Variants in EPB41 observed in about 807,000 individuals in gnomAD.
The protein encoded by EPB41 is erythrocyte membrane protein band 4.1, also known as protein 4.1.
EPB41 carries 65 observed loss-of-function variants against 108.0 expected under a neutral mutation model. The observed-to-expected ratio is 0.60, with a 90% CI of 0.49 to 0.74. EPB41 has a LOEUF of 0.74. EPB41 is among the 30% of genes least tolerant of loss of function. The pLI is 0.00. For missense variants in EPB41, 875 were observed against 1,037.0 expected (o/e 0.84, Z 2.15); for synonymous variants, 336 against 358.9 (o/e 0.94, Z 0.72).
chr1:28,917,872 G>A (rs1318744514), intron 1 of EPB41, among the ~76,000 whole-genome samples: 1 of 151,802 alleles, frequency 6.6e-6, no homozygotes, highest in Non-Finnish European at 1.5e-5. Flanking sequence ...TGGGATTACA[G>A]ACATGAGTCA....
At chr1:29,026,387 T>C (rs557945890) in intron 7 of EPB41, among the ~76,000 whole-genome samples, 11 of 152,170 alleles carry the variant, frequency 7.2e-5, no homozygotes, top group African/African-American at 2.4e-4. Context: ...TAGGTAGATA[T>C]AGAAATATAG....
intron 16 of EPB41, among the ~76,000 whole-genome samples, chr1:29,077,008 A>G (rs1654354058): frequency 6.6e-6 from 1 of 152,210 alleles, no homozygotes; most frequent in Non-Finnish European, 1.5e-5. Flanking sequence ...TATTTGTTTC[A>G]CTGAATTAAA....
chr1:28,925,176 G>C (rs2093371424), intron 1 of EPB41, among the ~76,000 whole-genome samples: 1 of 152,056 alleles, frequency 6.6e-6, no homozygotes, highest in Non-Finnish European at 1.5e-5. Context: ...TATTGGCCAG[G>C]CTGGTCCCGA....
chr1:28,979,390 A>G (rs532008077), intron 1 of EPB41, among the ~76,000 whole-genome samples: 1 of 151,578 alleles, frequency 6.6e-6, no homozygotes, highest in Admixed American at 6.6e-5. Flanking sequence ...CGAAAAATAC[A>G]AGAGATCTCC....
intron 4 of EPB41, among the ~76,000 whole-genome samples, chr1:29,000,122 G>A (rs1033123354): frequency 6.6e-6 from 1 of 151,730 alleles, no homozygotes; most frequent in African/African-American, 2.4e-5. Flanking sequence ...GTTTGAGATG[G>A]AGCTTCACTC....
At chr1:29,111,602 G>A (rs543898603) in intron 18 of EPB41, among the ~76,000 whole-genome samples, 195 of 151,844 alleles carry the variant, frequency 1.3e-3, no homozygotes, top group Non-Finnish European at 2.0e-3. Context: ...GCAGTGAGCC[G>A]AGATCGCACC....
At chr1:29,077,270 C>A (rs541544629) in intron 16 of EPB41, among the ~76,000 whole-genome samples, 108 of 151,944 alleles carry the variant, frequency 7.1e-4, no homozygotes, top group Non-Finnish European at 9.4e-4. Flanking sequence ...TAACTTGGTT[C>A]AATTAAAAGC....
chr1:28,900,687 A>C (rs574390416), intron 1 of EPB41, among the ~76,000 whole-genome samples: 1 of 152,168 alleles, frequency 6.6e-6, no homozygotes, highest in East Asian at 1.9e-4. Context: ...GAGGCTAAAG[A>C]GGGTTTAAGT....
At chr1:28,926,754 C>T (rs2093469154) in intron 1 of EPB41, among the ~76,000 whole-genome samples, 1 of 152,194 alleles carries the variant, frequency 6.6e-6, no homozygotes, top group Non-Finnish European at 1.5e-5. Context: ...AATCTGACCT[C>T]ATGGAGATGG....
chr1:29,101,027 C>T (rs549593444), intron 17 of EPB41, among the ~76,000 whole-genome samples: 1 of 151,842 alleles, frequency 6.6e-6, no homozygotes. Flanking sequence ...GAGTTCAAGA[C>T]CAGCCTGACC....
chr1:29,047,619 G>A (rs1019389808), intron 11 of EPB41, among the ~76,000 whole-genome samples: 3 of 151,810 alleles, frequency 2.0e-5, no homozygotes, highest in Non-Finnish European at 4.4e-5. Flanking sequence ...ATAAAGCTGG[G>A]TATCTTTTCA....
intron 11 of EPB41, among the ~76,000 whole-genome samples, chr1:29,041,881 C>G (rs1309115363): frequency 1.3e-5 from 2 of 152,130 alleles, no homozygotes; most frequent in African/African-American, 4.8e-5. Flanking sequence ...ATCATACTAC[C>G]TCAAAGAGTT....
At chr1:28,935,469 C>CACACA (rs1234434094) in intron 1 of EPB41, among the ~76,000 whole-genome samples, 764 of 42,126 alleles carry the variant, frequency 0.018, 106 homozygotes, top group Middle Eastern at 0.074. Flanking sequence ...ACACACACAC[C>CACACA]CCCCCCCCCC....
chr1:28,902,875 C>T (rs2091441720), intron 1 of EPB41, among the ~76,000 whole-genome samples: 1 of 152,080 alleles, frequency 6.6e-6, no homozygotes, highest in Non-Finnish European at 1.5e-5. Context: ...TCTCACCTGT[C>T]AAACAGAGAT....
chr1:29,064,928 A>G, intron 15 of EPB41, 54 bp from the exon 16 acceptor site: 2 of 1,610,896 alleles, frequency 1.2e-6, no homozygotes, highest in East Asian at 2.2e-5. Context: ...GCCCTTGATT[A>G]TGTTCTTTGT....
rs1381928750 is a variant in EPB41 at position 29,038,576 on chromosome 1, A to G, written c.1464-678A>G. 1.1e-4 allele frequency among the ~76,000 whole-genome samples: 16 copies of G among 152,326 alleles called. No homozygotes were observed. The East Asian group carries it at 2.9e-3, about 28-fold the overall frequency. On this transcript the variant is annotated intron_variant, in intron 10 of 20. Transcript: ENST00000343067. ...ATTCAACAAATATTTATTGGATATCATATTTATGCCAGGCACTATGCCAGA... is the reference window on the plus strand; with the variant it reads ...ATTCAACAAATATTTATTGGATATCGTATTTATGCCAGGCACTATGCCAGA...
intron 1 of EPB41, among the ~76,000 whole-genome samples, chr1:28,985,004 G>T (rs1009097741): frequency 2.0e-5 from 3 of 150,854 alleles, no homozygotes; most frequent in African/African-American, 7.3e-5. Context: ...TCGCTCTGTT[G>T]CCCAGGCTGG....
In EPB41 at chr1:29,018,658, A is replaced by AG. The variant is rs2096606967; in HGVS notation, c.1124+218dup. Among the ~76,000 whole-genome samples the AG allele has an allele frequency of 1.3e-5, 2 of 152,158 alleles. No individual in the cohort carries two copies. Among genetic ancestry groups the AG allele is most frequent in the African/African-American group, 4.8e-5 (2 of 41,432 alleles). On this transcript the variant is annotated intron_variant, in intron 7 of 20. Transcript: ENST00000343067. The surrounding 1 kb of genome is among the most constrained non-coding windows in gnomAD (Gnocchi z 4.4). ...TGCATTGTAGGGTGAAAACTAAATG[A>AG]GGTAATATATGTAAAGCACTTAGCA...
At chr1:29,008,598 CAG>C (rs1452111887) in intron 4 of EPB41, among the ~76,000 whole-genome samples, 1 of 152,190 alleles carries the variant, frequency 6.6e-6, no homozygotes, top group Non-Finnish European at 1.5e-5. Context: ...TTCTCAACAA[CAG>C]TGTCTTTTCT....
Sources: allele counts gnomAD v4.1 joint callset (sites outside exome capture counted in the v4.1 genomes callset), GRCh38; gene constraint gnomAD v4.1.1; non-coding constraint Gnocchi (gnomAD v3.1); transcripts MANE v1.5; gene names NCBI Gene and HGNC (gene_info 2026-07-23, HGNC 2026-07-21).